SLC17A1: variants seen among roughly 807,000 people sequenced by gnomAD.
The protein encoded by SLC17A1 is solute carrier family 17 member 1, also known as sodium-dependent phosphate transport protein 1.
SLC17A1 carries 51 observed loss-of-function variants against 53.5 expected under a neutral mutation model. The observed-to-expected ratio is 0.95, with a 90% CI of 0.76 to 1.20. The LOEUF (loss-of-function observed/expected upper bound fraction) is 1.20. Among genes scored for constraint, SLC17A1 ranks in the 50% most tolerant of loss-of-function variants. SLC17A1 has a pLI of 0.00. For missense variants in SLC17A1, 538 were observed against 568.2 expected (o/e 0.95, Z 0.54); for synonymous variants, 179 against 198.8 (o/e 0.90, Z 0.84).
intron 2 of SLC17A1, 94 bp downstream of exon 2, chr6:25,830,430 T>A (rs1007040456): frequency 2.1e-6 from 2 of 967,084 alleles, no homozygotes; most frequent in East Asian, 4.8e-5. Context: ...TAAGACCCCA[T>A]ATGTATATCA....
At chr6:25,770,871 A>G in the SLC17A1 span, 1 of 1,375,896 alleles carries the variant, frequency 7.3e-7, no homozygotes, top group Non-Finnish European at 1.0e-6. Flanking sequence ...TAGAAAGCAC[A>G]TAGAGCCCCA....
the SLC17A1 span, among the ~76,000 whole-genome samples, chr6:25,763,341 G>A: frequency 6.6e-6 from 1 of 152,114 alleles, no homozygotes; most frequent in Non-Finnish European, 1.5e-5. Flanking sequence ...ACCTAATAAG[G>A]CAGAACCCCA....
chr6:25,791,386 C>T (rs936136253), intron 12 of SLC17A1, among the ~76,000 whole-genome samples: 1 of 152,006 alleles, frequency 6.6e-6, no homozygotes. Flanking sequence ...ATTTAGACCA[C>T]TGAATATGTT....
chr6:25,799,697 T>TAAC, intron 11 of SLC17A1, among the ~76,000 whole-genome samples: 1 of 152,292 alleles, frequency 6.6e-6, no homozygotes, highest in Non-Finnish European at 1.5e-5. Context: ...CAGAGACAAT[T>TAAC]TTGGACAGTT....
chr6:25,770,960 T>C, the SLC17A1 span: 1 of 1,613,930 alleles, frequency 6.2e-7, no homozygotes. Flanking sequence ...TTCTACTTGC[T>C]GGTGGTCTCC....
intron 6 of SLC17A1, among the ~76,000 whole-genome samples, chr6:25,817,015 T>G (rs1178542486): frequency 6.6e-6 from 1 of 152,040 alleles, no homozygotes; most frequent in Non-Finnish European, 1.5e-5. Context: ...GCCCAGCTAA[T>G]TTTTTGTATT....
chr6:25,779,156 T>C (rs1763175522), downstream of SLC17A1: 3 of 1,613,782 alleles, frequency 1.9e-6, no homozygotes, highest in East Asian at 2.2e-5. Flanking sequence ...TGTGCAGGAC[T>C]GGGCTAAAGA....
chr6:25,760,292 A>T, the SLC17A1 span, among the ~76,000 whole-genome samples: 1 of 151,956 alleles, frequency 6.6e-6, no homozygotes, highest in Non-Finnish European at 1.5e-5. Context: ...TTATTTTTTT[A>T]TTAGCTTGAA....
the SLC17A1 span, among the ~76,000 whole-genome samples, chr6:25,743,908 G>C: frequency 1.3e-5 from 2 of 152,220 alleles, no homozygotes; most frequent in African/African-American, 4.8e-5. Context: ...TGAGCATGTG[G>C]TTCTGACTGG....
chr6:25,727,093 G>A, the SLC17A1 span: 2 of 1,614,236 alleles, frequency 1.2e-6, no homozygotes, highest in Non-Finnish European at 1.7e-6. Context: ...AAAGCTATGA[G>A]CATTATGAAT....
chr6:25,727,082 G>A, the SLC17A1 span: 24 of 1,614,092 alleles, frequency 1.5e-5, no homozygotes, highest in Admixed American at 3.3e-5. Context: ...GCATCTCTTC[G>A]AAAGCTATGA....
the SLC17A1 span, among the ~76,000 whole-genome samples, chr6:25,733,857 T>TCGCC: frequency 6.6e-6 from 1 of 151,348 alleles, no homozygotes; most frequent in African/African-American, 2.4e-5. Flanking sequence ...TATTGCTCTG[T>TCGCC]CGCCCAGGCT....
At chr6:25,773,135 A>T in the SLC17A1 span, 1 of 723,548 alleles carries the variant, frequency 1.4e-6, no homozygotes, top group Non-Finnish European at 2.5e-6. Context: ...CTCCCCCATG[A>T]TAGGGCCATG....
At chr6:25,816,732 C>A (rs1474317917) in intron 6 of SLC17A1, among the ~76,000 whole-genome samples, 1 of 152,054 alleles carries the variant, frequency 6.6e-6, no homozygotes, top group East Asian at 1.9e-4. Flanking sequence ...TTTCAATGGT[C>A]AAAGGGAGGT....
rs1438339216 is a variant in SLC17A1, at chr6:25,811,462, C to G, written c.1114G>C (p.Ala372Pro). 21 of 1,613,870 alleles carry G rather than the reference C, an allele frequency of 1.3e-5. No homozygotes were observed. Among genetic ancestry groups the G allele is most frequent in the Non-Finnish European group, 1.5e-5 (18 of 1,179,910 alleles). ...FYSIVIFLILAGATGSFCLGG... is the reference protein window; with the variant it reads ...FYSIVIFLILPGATGSFCLGG... ...AAGCAAAAGCTGCCTGTTGCACCAG[C>G]AAGTATTAGGAAAATGACAATGCTG... is the stretch of plus-strand genomic sequence containing the variant. Residue 372 changes from alanine (A) to proline (P), a missense_variant, in exon 10 of 13, where the codon GCT becomes CCT. Transcript: ENST00000244527.
chr6:25,746,590 CA>C, the SLC17A1 span, among the ~76,000 whole-genome samples: 3 of 150,828 alleles, frequency 2.0e-5, no homozygotes, highest in African/African-American at 2.4e-5. Flanking sequence ...CAGAAACCTC[CA>C]AAAAAAAATC....
the SLC17A1 span, chr6:25,727,399 G>GTTTTTTT: frequency 1.5e-6 from 1 of 683,990 alleles, no homozygotes; most frequent in Non-Finnish European, 2.2e-6. Context: ...AACCGTAAGG[G>GTTTTTTT]TTTTTTTTTT....
the SLC17A1 span, among the ~76,000 whole-genome samples, chr6:25,763,404 C>T: frequency 6.6e-6 from 1 of 152,242 alleles, no homozygotes; most frequent in Non-Finnish European, 1.5e-5. Flanking sequence ...AAGTATTTCT[C>T]ACAAATGCTT....
chr6:25,727,046 G>T, the SLC17A1 span: 3 of 1,614,226 alleles, frequency 1.9e-6, no homozygotes, highest in East Asian at 4.5e-5. Context: ...TCTACAAAGT[G>T]CTAAAGCAGG....
Sources: gnomAD v4.1 joint callset for allele counts (sites outside exome capture counted in the v4.1 genomes callset) on GRCh38, gnomAD v4.1.1 for gene constraint, MANE v1.5 for transcripts, NCBI Gene and HGNC (gene_info 2026-07-23, HGNC 2026-07-21) for gene names.